STK32A: variants seen among roughly 807,000 people sequenced by gnomAD.
The protein encoded by STK32A is serine/threonine-protein kinase 32A.
A neutral mutation model predicts 53.2 loss-of-function variants in STK32A; 41 were observed. The observed-to-expected ratio is 0.77, with a 90% CI of 0.60 to 1.00. The LOEUF is 1.00. Among genes scored for constraint, STK32A ranks in the 50% least tolerant of loss-of-function variants. The pLI, the probability that STK32A is intolerant of heterozygous loss-of-function variation, is 0.00. For synonymous variants in STK32A, 166 were observed against 162.8 expected, an observed-to-expected ratio of 1.02 and a Z score of -0.15; for missense variants, 458 against 485.8, an observed-to-expected ratio of 0.94 and a Z score of 0.54.
chr5:147,248,877 G>A (rs114306249), intron 2 of STK32A, among the ~76,000 whole-genome samples: 1,525 of 152,286 alleles, frequency 0.01, 28 homozygotes, highest in African/African-American at 0.034. Context: ...AGCTCTTCAA[G>A]TGTTAGTGGC....
At chr5:147,376,224 T>C (rs1165173652) in intron 11 of STK32A, among the ~76,000 whole-genome samples, 7 of 152,186 alleles carry the variant, frequency 4.6e-5, no homozygotes, top group African/African-American at 1.7e-4. Context: ...CACATCTCTG[T>C]CCTGTTTGAT....
rs1347216937 is a variant in STK32A, at chr5:147,387,045, C to G, written c.*3062C>G. 1.3e-5 allele frequency: 2 copies of G among 152,190 alleles called. No individual in the cohort carries two copies. The highest frequency in any genetic ancestry group is 4.8e-5 in the African/African-American group (2 of 41,446). The allele number at this position is 152,190 out of a possible 1,614,324, so 9.4% of individuals were successfully genotyped here. ...CTATTAAATCCTTTGGCCTGGTATT[C>G]TTGAATGTTTTTCTCCCAGTGCTTC... On this transcript the variant is annotated 3_prime_UTR_variant, in exon 13 of 13. Transcript: ENST00000397936.
intron 1 of STK32A, among the ~76,000 whole-genome samples, chr5:147,235,697 C>A (rs31036): frequency 0.68 from 103,676 of 152,096 alleles, 35,563 homozygotes; most frequent in Middle Eastern, 0.75. Context: ...TATCCACTCT[C>A]TCATGCCATT....
At chr5:147,356,331 C>A (rs1756237284) in intron 7 of STK32A, among the ~76,000 whole-genome samples, 1 of 152,180 alleles carries the variant, frequency 6.6e-6, no homozygotes, top group Non-Finnish European at 1.5e-5. Context: ...AAAAACAGTT[C>A]TGTGAGGCCA....
At chr5:147,296,800 G>A (rs1342383685) in intron 4 of STK32A, among the ~76,000 whole-genome samples, 1 of 152,148 alleles carries the variant, frequency 6.6e-6, no homozygotes, top group Admixed American at 6.5e-5. Context: ...GGTTGGGGGT[G>A]ATCTCCTGCC....
At chr5:147,292,514 G>T (rs1752644962) in intron 4 of STK32A, among the ~76,000 whole-genome samples, 2 of 152,064 alleles carry the variant, frequency 1.3e-5, no homozygotes, top group Non-Finnish European at 1.5e-5. Flanking sequence ...AAAAATTCTT[G>T]ACTTTGGAAA....
intron 2 of STK32A, among the ~76,000 whole-genome samples, chr5:147,259,405 AGGCTACT>A (rs1754392355): frequency 6.6e-6 from 1 of 152,140 alleles, no homozygotes; most frequent in African/African-American, 2.4e-5. Flanking sequence ...TTTGATAGGA[AGGCTACT>A]GGTTGTCAGT....
chr5:147,247,267 C>G (rs1269120491), intron 2 of STK32A, among the ~76,000 whole-genome samples: 1 of 152,140 alleles, frequency 6.6e-6, no homozygotes, highest in African/African-American at 2.4e-5. Context: ...AACTCAGGTC[C>G]CATGAAATAT....
intron 4 of STK32A, among the ~76,000 whole-genome samples, chr5:147,321,248 G>A (rs901186841): frequency 6.6e-6 from 1 of 152,228 alleles, no homozygotes; most frequent in Admixed American, 6.5e-5. Context: ...ATGAATGGTT[G>A]AGGTACAAGG....
intron 4 of STK32A, among the ~76,000 whole-genome samples, chr5:147,321,559 C>A (rs139535585): frequency 4.6e-5 from 7 of 152,350 alleles, no homozygotes; most frequent in Non-Finnish European, 5.9e-5. Flanking sequence ...TAATCCCCTG[C>A]ACATTCGAAC....
chr5:147,327,396 A>T (rs1754652343), intron 5 of STK32A, among the ~76,000 whole-genome samples: 3 of 152,242 alleles, frequency 2.0e-5, no homozygotes, highest in Admixed American at 2.0e-4. Context: ...AGAAATTAAA[A>T]GTGAGAATGA....
intron 2 of STK32A, among the ~76,000 whole-genome samples, chr5:147,254,736 A>G (rs1754149429): frequency 1.3e-5 from 2 of 152,228 alleles, no homozygotes; most frequent in African/African-American, 4.8e-5. Flanking sequence ...TGGCAGAGTC[A>G]GGGCAGAGCA....
At chr5:147,343,719 T>C (rs1231322084) in intron 6 of STK32A, among the ~76,000 whole-genome samples, 2 of 152,246 alleles carry the variant, frequency 1.3e-5, no homozygotes, top group Non-Finnish European at 2.9e-5. Context: ...CATCTTGTTT[T>C]ATGCGGCTTT....
Position 147,343,017 on chromosome 5 carries a change from C to T in STK32A, c.446C>T (p.Pro149Leu), listed in dbSNP as rs1182711565. The T allele has an allele frequency of 6.2e-7, 1 of 1,613,340 alleles. No individual in the cohort carries two copies. The highest frequency in any genetic ancestry group is 8.5e-7 in the Non-Finnish European group (1 of 1,179,732). Reference protein sequence around the residue: ...NQRIIHRDMKPDNILLDEHGH... With the variant: ...NQRIIHRDMKLDNILLDEHGH... Reference sequence around the variant, plus strand: ...TTTTACTCCTCTAGGGATATGAAGCCTGACAATATTTTACTTGACGAACAT... The same window carrying T: ...TTTTACTCCTCTAGGGATATGAAGCTTGACAATATTTTACTTGACGAACAT... The change falls in exon 6 of 13, where the codon CCT becomes CTT. Residue 149 changes from proline (P) to leucine (L), a missense_variant. Coordinates refer to ENST00000397936, the MANE Select transcript of STK32A (RefSeq NM_001112724.2).
chr5:147,305,566 G>A (rs1753366334), intron 4 of STK32A, among the ~76,000 whole-genome samples: 1 of 151,972 alleles, frequency 6.6e-6, no homozygotes, highest in Non-Finnish European at 1.5e-5. Context: ...CCACATGGTG[G>A]GACAAAAGAC....
Position 147,292,832 on chromosome 5 carries a change from G to C in STK32A, c.260+13434G>C, listed in dbSNP as rs555729400. 8.6e-5 allele frequency among the ~76,000 whole-genome samples: 13 copies of C among 151,750 alleles called. 1 individual carries two copies. The East Asian group carries it at 1.7e-3, about 20-fold the overall frequency. ...GCTGAGATCACATCATTGCACTCCAGCCTGGGCAACAAGAGTGAAACTTCA... is the reference window on the plus strand; with the variant it reads ...GCTGAGATCACATCATTGCACTCCACCCTGGGCAACAAGAGTGAAACTTCA... On this transcript the variant is annotated intron_variant, in intron 4 of 12. Coordinates refer to ENST00000397936, the MANE Select transcript of STK32A (RefSeq NM_001112724.2).
intron 2 of STK32A, among the ~76,000 whole-genome samples, chr5:147,270,901 A>G (rs1754998845): frequency 6.6e-6 from 1 of 152,218 alleles, no homozygotes; most frequent in Non-Finnish European, 1.5e-5. Context: ...GAAAATTAAC[A>G]TATTCTTTGC....
chr5:147,367,000 A>G (rs1756778866), intron 8 of STK32A, among the ~76,000 whole-genome samples: 1 of 151,604 alleles, frequency 6.6e-6, no homozygotes, highest in African/African-American at 2.4e-5. Context: ...CTTGTATATT[A>G]TTAGGTTGTT....
chr5:147,265,099 A>G (rs201228385), intron 2 of STK32A, among the ~76,000 whole-genome samples: 3 of 8,124 alleles, frequency 3.7e-4, no homozygotes, highest in African/African-American at 1.4e-3. Flanking sequence ...ATATGTGTGT[A>G]TATATATATA....
Sources: allele counts gnomAD v4.1 joint callset (sites outside exome capture counted in the v4.1 genomes callset), GRCh38; gene constraint gnomAD v4.1.1; transcripts MANE v1.5; gene names NCBI Gene and HGNC (gene_info 2026-07-23, HGNC 2026-07-21).